The following PCDHGA11 variants were observed in gnomAD, a reference collection of about 807,000 sequenced individuals.
PCDHGA11 encodes the protein protocadherin gamma-A11.
In PCDHGA11, 39 loss-of-function variants were observed where a neutral mutation model predicts 60.4. The ratio of observed to expected loss-of-function variants is 0.65; its 90% confidence interval spans 0.50 to 0.84. PCDHGA11 has a LOEUF of 0.84. Among genes scored for constraint, PCDHGA11 ranks in the 40% least tolerant of loss-of-function variants. The pLI is 0.00. For synonymous variants in PCDHGA11, 533 were observed against 510.3 expected (o/e 1.04, Z -0.60); for missense variants, 1,165 against 1,197.7 (o/e 0.97, Z 0.40).
chr5:141,435,108 G>A lies in PCDHGA11; in HGVS notation c.2433+11448G>A, dbSNP rs1027955145. ...AACTGATCTGTTTATCTAGGGGGGA[G>A]AAATCTAATTCAATGGAAAATATAA... On this transcript the variant is annotated intron_variant, in intron 1 of 3. Transcript: ENST00000398587. Among the ~76,000 whole-genome samples, 3 of 152,144 alleles carry A rather than the reference G, an allele frequency of 2.0e-5. No homozygotes were observed. In the South Asian group the frequency reaches 6.2e-4, roughly 32 times the overall value.
At chr5:141,430,179 A>G (rs2097264770) in intron 1 of PCDHGA11, among the ~76,000 whole-genome samples, 1 of 152,158 alleles carries the variant, frequency 6.6e-6, no homozygotes, top group Admixed American at 6.5e-5. Flanking sequence ...ATTTTCCCCA[A>G]ATTATAGCTG....
At position 141,431,398 on chromosome 5, in the gene PCDHGA11, G is replaced by A. The variant is rs1052461071; in HGVS notation, c.2433+7738G>A. ...AGGCTGCTCACCACCTGGTCCTTACGGCCTCCGACGGGGGCGACCCGGTGC... is the reference window on the plus strand; with the variant it reads ...AGGCTGCTCACCACCTGGTCCTTACAGCCTCCGACGGGGGCGACCCGGTGC... On this transcript the variant is annotated intron_variant, in intron 1 of 3. Coordinates refer to ENST00000398587, the MANE Select transcript of PCDHGA11 (RefSeq NM_018914.3). This position sits in a 1 kb window ranked among gnomAD's most constrained non-coding sequence, Gnocchi z 4.8. The A allele has an allele frequency of 6.8e-6, 11 of 1,613,768 alleles. No homozygotes were observed. Among genetic ancestry groups the A allele is most frequent in the Non-Finnish European group, 9.3e-6 (11 of 1,180,036 alleles).
At chr5:141,478,333 G>C in intron 1 of PCDHGA11, 5 of 1,613,928 alleles carry the variant, frequency 3.1e-6, no homozygotes, top group Non-Finnish European at 4.2e-6. Flanking sequence ...GAACACCAGG[G>C]CCCTCCTTGC....
intron 3 of PCDHGA11, among the ~76,000 whole-genome samples, chr5:141,509,015 C>T (rs1370464396): frequency 6.6e-6 from 1 of 152,098 alleles, no homozygotes; most frequent in East Asian, 1.9e-4. Flanking sequence ...AAGTGGGCAG[C>T]TGCTCCCTCC....
At chr5:141,449,025 C>G (rs2154562458) in intron 1 of PCDHGA11, among the ~76,000 whole-genome samples, 1 of 152,216 alleles carries the variant, frequency 6.6e-6, no homozygotes, top group East Asian at 1.9e-4. Flanking sequence ...GCTTAGCATT[C>G]CTTTGGATTA....
intron 1 of PCDHGA11, chr5:141,430,691 G>C (rs1479214920): frequency 1.4e-6 from 2 of 1,416,472 alleles, no homozygotes; most frequent in Non-Finnish European, 1.9e-6. Flanking sequence ...CCATTCTATG[G>C]GCGAAGGAAC....
Position 141,431,858 on chromosome 5 carries a change from G to A in PCDHGA11, c.2433+8198G>A, listed in dbSNP as rs1421209596. The A allele has an allele frequency of 1.1e-5, 17 of 1,614,198 alleles. No individual in the cohort carries two copies. Among genetic ancestry groups the A allele is most frequent in the Non-Finnish European group, 1.4e-5 (17 of 1,180,020 alleles). On this transcript the variant is annotated intron_variant, in intron 1 of 3. Coordinates refer to ENST00000398587, the MANE Select transcript of PCDHGA11 (RefSeq NM_018914.3). The surrounding 1 kb of genome is among the most constrained non-coding windows in gnomAD (Gnocchi z 4.8). ...AAACTCTCCCAGAGGGACATTAATTGCCCTTTTAAATGTAAATGACCAAGA... is the reference window on the plus strand; with the variant it reads ...AAACTCTCCCAGAGGGACATTAATTACCCTTTTAAATGTAAATGACCAAGA...
In PCDHGA11 at chr5:141,477,798, A is replaced by G; in HGVS notation, c.2434-17009A>G. On this transcript the variant is annotated intron_variant, in intron 1 of 3. Transcript: ENST00000398587. The surrounding 1 kb of genome is among the most constrained non-coding windows in gnomAD (Gnocchi z 4.9). ...GTGAACATATTTGTCACTGATCGCA[A>G]TGACAATGCCCCCCAGGTCCTATAT... The G allele has an allele frequency of 6.2e-7, 1 of 1,614,140 alleles. No homozygotes were observed. The highest frequency in any genetic ancestry group is 8.5e-7 in the Non-Finnish European group (1 of 1,180,038).
intron 1 of PCDHGA11, chr5:141,433,309 T>C: frequency 1.1e-6 from 1 of 901,134 alleles, no homozygotes; most frequent in Admixed American, 2.7e-5. Context: ...TTATCCCACC[T>C]TTGCCTCCGG....
At position 141,491,065 on chromosome 5, in the gene PCDHGA11, C is replaced by T; in HGVS notation, c.2434-3742C>T. On this transcript the variant is annotated intron_variant, in intron 1 of 3. Transcript: ENST00000398587. This position sits in a 1 kb window ranked among gnomAD's most constrained non-coding sequence, Gnocchi z 6.9. ...CCACAATGCGTGGCTCTCCTACTCA[C>T]TGTTGCCACAGTCCACAGCCCCAGG... 4 of 1,614,210 alleles carry T rather than the reference C, an allele frequency of 2.5e-6. No individual in the cohort carries two copies. Among genetic ancestry groups the T allele is most frequent in the Admixed American group, 1.7e-5 (1 of 60,030 alleles).
Position 141,491,067 on chromosome 5 carries a change from G to A in PCDHGA11, c.2434-3740G>A, listed in dbSNP as rs752758445. On this transcript the variant is annotated intron_variant, in intron 1 of 3. Coordinates refer to ENST00000398587, the MANE Select transcript of PCDHGA11 (RefSeq NM_018914.3). This position sits in a 1 kb window ranked among gnomAD's most constrained non-coding sequence, Gnocchi z 6.9. ...ACAATGCGTGGCTCTCCTACTCACT[G>A]TTGCCACAGTCCACAGCCCCAGGAC... is the stretch of plus-strand genomic sequence containing the variant. 6.2e-7 allele frequency: 1 copy of A among 1,614,200 alleles called. No individual in the cohort carries two copies. Among genetic ancestry groups the A allele is most frequent in the East Asian group, 2.2e-5 (1 of 44,892 alleles).
At chr5:141,429,105 C>G (rs936114624) in intron 1 of PCDHGA11, 1 of 152,318 alleles carries the variant, frequency 6.6e-6, no homozygotes, top group Non-Finnish European at 1.5e-5. Flanking sequence ...CTGCCCGCCT[C>G]GGCCTCCCAA....
chr5:141,489,061 C>A lies in PCDHGA11; in HGVS notation c.2434-5746C>A. On this transcript the variant is annotated intron_variant, in intron 1 of 3. Coordinates refer to ENST00000398587, the MANE Select transcript of PCDHGA11 (RefSeq NM_018914.3). This position sits in a 1 kb window ranked among gnomAD's most constrained non-coding sequence, Gnocchi z 4.5. ...AGCTCCACTCAAATTCAGCTCCCCT[C>A]CCCCCTGCCCACCCCCGCCACTCGG... 5 of 347,080 alleles carry A rather than the reference C, an allele frequency of 1.4e-5. No individual in the cohort carries two copies. The highest frequency in any genetic ancestry group is 2.2e-5 in the African/African-American group (1 of 46,422). 21.5% of individuals were successfully genotyped at this position (347,080 alleles called of 1,614,324 possible). A position where few individuals can be genotyped will look rare whatever the true frequency, so the allele number is the denominator to read the frequency against.
intron 1 of PCDHGA11, among the ~76,000 whole-genome samples, chr5:141,465,031 C>T (rs933448980): frequency 1.3e-5 from 2 of 151,958 alleles, no homozygotes; most frequent in Non-Finnish European, 1.5e-5. Context: ...CATGAACCAC[C>T]ACAAATGACC....
chr5:141,506,372 C>A (rs1243713695), intron 3 of PCDHGA11, among the ~76,000 whole-genome samples: 1 of 151,402 alleles, frequency 6.6e-6, no homozygotes, highest in Non-Finnish European at 1.5e-5. Context: ...TCGCTTGAAC[C>A]TGGGAGGTGG....
chr5:141,501,237 A>G (rs1327502244), intron 2 of PCDHGA11, among the ~76,000 whole-genome samples: 1 of 150,372 alleles, frequency 6.7e-6, no homozygotes, highest in Non-Finnish European at 1.5e-5. Flanking sequence ...CAGTTTTTTG[A>G]GCATGATGTA....
intron 2 of PCDHGA11, among the ~76,000 whole-genome samples, chr5:141,496,474 T>A (rs2099769027): frequency 6.6e-6 from 1 of 152,140 alleles, no homozygotes; most frequent in African/African-American, 2.4e-5. Context: ...CTTTCCCCCA[T>A]CCTGCAACCA....
intron 1 of PCDHGA11, among the ~76,000 whole-genome samples, chr5:141,438,139 T>C (rs2097931816): frequency 6.6e-6 from 1 of 152,152 alleles, no homozygotes. Context: ...TGGCAAAAGA[T>C]AGCCAGCCTA....
In PCDHGA11 at chr5:141,423,139, G is replaced by T. The variant is rs2096713828; in HGVS notation, c.1912G>T (p.Ala638Ser). The T allele has an allele frequency of 2.5e-6, 4 of 1,613,498 alleles. No homozygotes were observed. Among genetic ancestry groups the T allele is most frequent in the Non-Finnish European group, 3.4e-6 (4 of 1,179,938 alleles). The change falls in exon 1 of 4, where the codon GCG (alanine) becomes TCG (serine). Residue 638 changes from alanine (A) to serine (S), a missense_variant. Ala to Ser is a moderately conservative substitution (Grantham distance 99, BLOSUM62 1). Coordinates refer to ENST00000398587, the MANE Select transcript of PCDHGA11 (RefSeq NM_018914.3). ...RTARALLDRD[A>S]LKQSLVVAVQ... Reference sequence around the variant, plus strand: ...AGCGCGGGCACTGCTGGACAGAGACGCGCTCAAGCAGAGCCTCGTGGTGGC... The same window carrying T: ...AGCGCGGGCACTGCTGGACAGAGACTCGCTCAAGCAGAGCCTCGTGGTGGC...
Sources: allele counts gnomAD v4.1 joint callset (sites outside exome capture counted in the v4.1 genomes callset), GRCh38; gene constraint gnomAD v4.1.1; non-coding constraint Gnocchi (gnomAD v3.1); transcripts MANE v1.5; gene names NCBI Gene and HGNC (gene_info 2026-07-23, HGNC 2026-07-21).